Variants in GRIK3 observed in about 807,000 individuals in gnomAD.
The protein encoded by GRIK3 is glutamate receptor ionotropic, kainate 3.
In GRIK3, 29 loss-of-function variants were observed where a neutral mutation model predicts 102.5. The ratio of observed to expected loss-of-function variants is 0.28; its 90% CI spans 0.21 to 0.39. The LOEUF is 0.39. GRIK3 is among the 10% of genes least tolerant of loss of function. GRIK3 has a pLI of 1.00. For missense variants in GRIK3, 908 were observed against 1,252.4 expected, an observed-to-expected ratio of 0.73 and a Z score of 4.15; for synonymous variants, 511 against 504.9, an observed-to-expected ratio of 1.01 and a Z score of -0.16.
intron 1 of GRIK3, among the ~76,000 whole-genome samples, chr1:37,001,065 G>C (rs1570856667): frequency 6.6e-6 from 1 of 152,208 alleles, no homozygotes; most frequent in Non-Finnish European, 1.5e-5. Context: ...GTCAATAACT[G>C]TCCAGAGAGA....
At chr1:36,922,884 A>C (rs1024554287) in intron 1 of GRIK3, among the ~76,000 whole-genome samples, 5 of 152,128 alleles carry the variant, frequency 3.3e-5, no homozygotes, top group African/African-American at 1.2e-4. Flanking sequence ...AAAAGCAATG[A>C]TCAAAGGCAA....
intron 10 of GRIK3, among the ~76,000 whole-genome samples, chr1:36,839,598 C>T (rs989296195): frequency 6.6e-6 from 1 of 152,082 alleles, no homozygotes; most frequent in African/African-American, 2.4e-5. Context: ...ACATGTAATA[C>T]ACTATGTTGA....
chr1:37,020,678 T>A (rs1642701190), intron 1 of GRIK3, among the ~76,000 whole-genome samples: 1 of 152,196 alleles, frequency 6.6e-6, no homozygotes, highest in Non-Finnish European at 1.5e-5. Flanking sequence ...CTTGATTTTC[T>A]TTTACCATGC....
intron 13 of GRIK3, among the ~76,000 whole-genome samples, chr1:36,811,157 C>T (rs1413664277): frequency 6.6e-6 from 1 of 152,026 alleles, no homozygotes; most frequent in East Asian, 1.9e-4. Context: ...CAGAGCATGC[C>T]CCTAAGGCTC....
chr1:36,820,934 A>G (rs1642689999), intron 11 of GRIK3, among the ~76,000 whole-genome samples: 1 of 152,206 alleles, frequency 6.6e-6, no homozygotes, highest in Non-Finnish European at 1.5e-5. Flanking sequence ...GTATGTTTAA[A>G]GAAGCTCGAG....
chr1:36,939,547 G>A (rs1641697505), intron 1 of GRIK3, among the ~76,000 whole-genome samples: 1 of 152,268 alleles, frequency 6.6e-6, no homozygotes, highest in African/African-American at 2.4e-5. Context: ...CAGCATGTGA[G>A]GCCAGGGCTG....
intron 1 of GRIK3, among the ~76,000 whole-genome samples, chr1:36,937,000 G>A (rs373654185): frequency 6.6e-6 from 1 of 152,334 alleles, no homozygotes; most frequent in East Asian, 1.9e-4. Flanking sequence ...TCACAGCCGG[G>A]TGGTCAATGG....
intron 10 of GRIK3, among the ~76,000 whole-genome samples, chr1:36,832,334 C>G (rs1640312105): frequency 6.6e-6 from 1 of 152,180 alleles, no homozygotes; most frequent in Admixed American, 6.5e-5. Flanking sequence ...ACGAGGCACC[C>G]AGCGAGCGTG....
intron 1 of GRIK3, among the ~76,000 whole-genome samples, chr1:37,025,558 T>C (rs1326837960): frequency 6.6e-6 from 1 of 152,236 alleles, no homozygotes; most frequent in African/African-American, 2.4e-5. Flanking sequence ...TGGAAAGTCC[T>C]TGGCTCCCCG....
intron 1 of GRIK3, among the ~76,000 whole-genome samples, chr1:36,987,061 G>T (rs953634139): frequency 2.0e-5 from 3 of 152,160 alleles, no homozygotes; most frequent in African/African-American, 7.2e-5. Flanking sequence ...GCACTCCTCT[G>T]CCCACTCACA....
chr1:36,971,133 C>T (rs562634249), intron 1 of GRIK3, among the ~76,000 whole-genome samples: 1 of 152,326 alleles, frequency 6.6e-6, no homozygotes, highest in East Asian at 1.9e-4. Flanking sequence ...CCTTGGAGAA[C>T]CTCCTTCACC....
rs760607416 is a variant in GRIK3, at chr1:36,880,939, G to T, written c.293-48C>A. ...ACAGGGGTCAGCACTGGGGCTGTGG[G>T]TATGGGGACAGTGATGCTGATGATC... On this transcript the variant is annotated intron_variant, in intron 2 of 15. Transcript: ENST00000373091. The surrounding 1 kb of genome is among the most constrained non-coding windows in gnomAD (Gnocchi z 5.4). The T allele has an allele frequency of 3.2e-6, 5 of 1,544,572 alleles. No individual in the cohort carries two copies. The highest frequency in any genetic ancestry group is 2.4e-5 in the South Asian group (2 of 84,980).
chr1:36,873,601 T>C (rs563193265), intron 3 of GRIK3, among the ~76,000 whole-genome samples: 1 of 152,198 alleles, frequency 6.6e-6, no homozygotes, highest in Admixed American at 6.5e-5. Flanking sequence ...ACTCAGTGTC[T>C]GGTCCTGGTG....
At chr1:36,916,017 C>T (rs1315706613) in intron 1 of GRIK3, among the ~76,000 whole-genome samples, 2 of 152,162 alleles carry the variant, frequency 1.3e-5, no homozygotes, top group African/African-American at 4.8e-5. Flanking sequence ...TTGGAATTGC[C>T]TAGAGACTTG....
chr1:36,922,792 A>G (rs541096513), intron 1 of GRIK3, among the ~76,000 whole-genome samples: 19 of 150,548 alleles, frequency 1.3e-4, no homozygotes, highest in African/African-American at 3.4e-4. Context: ...GTCTGCTGCG[A>G]CTCCCTTCTC....
chr1:37,003,114 C>T (rs987312439), intron 1 of GRIK3, among the ~76,000 whole-genome samples: 2 of 148,612 alleles, frequency 1.3e-5, no homozygotes, highest in East Asian at 3.9e-4. Flanking sequence ...CACCAGGGAG[C>T]GTAGAGTCAA....
Position 36,859,861 on chromosome 1 carries a change from G to T in GRIK3, c.943C>A (p.Leu315Met). 6.2e-7 allele frequency: 1 copy of T among 1,613,700 alleles called. No individual in the cohort carries two copies. The highest frequency in any genetic ancestry group is 8.5e-7 in the Non-Finnish European group (1 of 1,179,666). The part of the protein sequence containing the change: ...QAAPRSESGL[L>M]DGVMMTDAAL... ...CGCCTTACCATCATCACTCCATCCAGCAGGCCAGACTCGGACCGGGGAGCT... is the reference window on the plus strand; with the variant it reads ...CGCCTTACCATCATCACTCCATCCATCAGGCCAGACTCGGACCGGGGAGCT... The change falls in exon 6 of 16, where the codon CTG (leucine) becomes ATG (methionine). Residue 315 changes from leucine to methionine, a missense_variant. Physicochemically the swap from Leu to Met is conservative, Grantham distance 15. Transcript: ENST00000373091.
At chr1:36,902,559 C>T (rs907604761) in intron 1 of GRIK3, among the ~76,000 whole-genome samples, 9 of 152,194 alleles carry the variant, frequency 5.9e-5, no homozygotes, top group Non-Finnish European at 1.2e-4. Flanking sequence ...AGACCTTACA[C>T]CCTTCACAAA....
intron 1 of GRIK3, among the ~76,000 whole-genome samples, chr1:36,915,812 T>C (rs2124299265): frequency 1.3e-5 from 2 of 152,308 alleles, no homozygotes; most frequent in Non-Finnish European, 2.9e-5. Flanking sequence ...TAAACGTCTT[T>C]CTTCTGTAAA....
Sources: gnomAD v4.1 joint callset for allele counts (sites outside exome capture counted in the v4.1 genomes callset) on GRCh38, gnomAD v4.1.1 for gene constraint, Gnocchi (gnomAD v3.1) non-coding constraint, MANE v1.5 for transcripts, NCBI Gene and HGNC (gene_info 2026-07-23, HGNC 2026-07-21) for gene names.